The following RAPGEF1 variants were observed in gnomAD, a reference collection of about 807,000 sequenced individuals.
The protein encoded by RAPGEF1 is CRK SH3-binding GNRP.
A neutral mutation model predicts 143.3 loss-of-function variants in RAPGEF1; 33 were observed. The ratio of observed to expected loss-of-function variants is 0.23; its 90% CI spans 0.17 to 0.31. The LOEUF (loss-of-function observed/expected upper bound fraction) is 0.31. Ranked by LOEUF, RAPGEF1 falls within the 10% of genes least tolerant of loss-of-function variation. The pLI, the probability that RAPGEF1 is intolerant of heterozygous loss-of-function variation, is 1.00. For missense variants in RAPGEF1, 1,199 were observed against 1,645.4 expected (o/e 0.73, Z 4.69); for synonymous variants, 629 against 676.5 (o/e 0.93, Z 1.09).
At chr9:131,624,914 T>C (rs1181576598) in intron 10 of RAPGEF1, among the ~76,000 whole-genome samples, 1 of 152,216 alleles carries the variant, frequency 6.6e-6, no homozygotes, top group East Asian at 1.9e-4. Flanking sequence ...TGGGGATACA[T>C]GACATCATCG....
chr9:131,675,640 C>T lies in RAPGEF1; in HGVS notation c.62-24691G>A, dbSNP rs1205857256. ...ATCCAAAGTAAGCACACACCATTAT[C>T]CTGCCCCTGTACCAGGAAAGCCCCC... is the stretch of plus-strand genomic sequence containing the variant. On this transcript the variant is annotated intron_variant, in intron 1 of 26. Transcript: ENST00000683357. This position sits in a 1 kb window ranked among gnomAD's most constrained non-coding sequence, Gnocchi z 4.6. Among the ~76,000 whole-genome samples, 3 of 152,202 alleles carry T rather than the reference C, an allele frequency of 2.0e-5. No individual in the cohort carries two copies. The highest frequency in any genetic ancestry group is 2.9e-5 in the Non-Finnish European group (2 of 68,028).
intron 15 of RAPGEF1, 151 bp downstream of exon 15, chr9:131,601,910 A>G: frequency 1.6e-6 from 1 of 630,402 alleles, no homozygotes; most frequent in Non-Finnish European, 2.7e-6. Context: ...CTGTCTCTAA[A>G]AAACAAAAAA....
chr9:131,588,080 G>A (rs754758561), intron 20 of RAPGEF1, 54 bp from the exon 21 acceptor site: 2 of 1,444,024 alleles, frequency 1.4e-6, no homozygotes, highest in Admixed American at 1.8e-5. Context: ...CCGGTGGGGA[G>A]GGCTGAGCAG....
At chr9:131,665,544 C>T (rs1162838215) in intron 1 of RAPGEF1, among the ~76,000 whole-genome samples, 1 of 152,074 alleles carries the variant, frequency 6.6e-6, no homozygotes, top group Non-Finnish European at 1.5e-5. Flanking sequence ...CTTATAAGAG[C>T]TAAGTCTCGC....
At chr9:131,674,848 T>G (rs1832034073) in intron 1 of RAPGEF1, among the ~76,000 whole-genome samples, 1 of 152,110 alleles carries the variant, frequency 6.6e-6, no homozygotes, top group African/African-American at 2.4e-5. Flanking sequence ...AGGGCAGACC[T>G]GAAGCATCGC....
At chr9:131,704,182 G>A (rs990932311) in intron 1 of RAPGEF1, among the ~76,000 whole-genome samples, 13 of 151,394 alleles carry the variant, frequency 8.6e-5, no homozygotes, top group Non-Finnish European at 1.9e-4. Context: ...GCACTGAGCC[G>A]GTGGTTATTG....
At chr9:131,615,927 T>C (rs999158448) in intron 12 of RAPGEF1, among the ~76,000 whole-genome samples, 4 of 152,138 alleles carry the variant, frequency 2.6e-5, no homozygotes, top group African/African-American at 7.2e-5. Flanking sequence ...TGAACTTGTA[T>C]GTTACATACA....
At chr9:131,630,186 C>T in intron 6 of RAPGEF1, 50 bp downstream of exon 6, 3 of 1,567,270 alleles carry the variant, frequency 1.9e-6, no homozygotes, top group Non-Finnish European at 2.6e-6. Flanking sequence ...CAAGTGCAGA[C>T]TTTGCCACTG....
intron 1 of RAPGEF1, among the ~76,000 whole-genome samples, chr9:131,652,993 A>G (rs1971493660): frequency 1.3e-5 from 2 of 152,198 alleles, no homozygotes; most frequent in South Asian, 2.1e-4. Flanking sequence ...TGATTATCTT[A>G]TGGGACCATA....
At chr9:131,589,538 G>C (rs1157953235) in intron 19 of RAPGEF1, among the ~76,000 whole-genome samples, 1 of 152,236 alleles carries the variant, frequency 6.6e-6, no homozygotes. Flanking sequence ...GCGAGGGAGA[G>C]GTGGCCTCTC....
chr9:131,696,627 C>T (rs779411040), intron 1 of RAPGEF1, among the ~76,000 whole-genome samples: 4 of 152,190 alleles, frequency 2.6e-5, no homozygotes, highest in Non-Finnish European at 5.9e-5. Context: ...AACTGTAGCT[C>T]TGAATATTAT....
rs1200467280 is a variant in RAPGEF1, at chr9:131,667,851, C to G, written c.62-16902G>C. On this transcript the variant is annotated intron_variant, in intron 1 of 26. Coordinates refer to ENST00000683357, the MANE Select transcript of RAPGEF1 (RefSeq NM_001377935.1). This position sits in a 1 kb window ranked among gnomAD's most constrained non-coding sequence, Gnocchi z 4.6. ...AAAATGGGAGTAGTGATCTTTACCTCACTGGGCCGTTGGGAGGATGTCATA... is the reference window on the plus strand; with the variant it reads ...AAAATGGGAGTAGTGATCTTTACCTGACTGGGCCGTTGGGAGGATGTCATA... Among the ~76,000 whole-genome samples the G allele has an allele frequency of 6.6e-6, 1 of 152,190 alleles. No homozygotes were observed. Among genetic ancestry groups the G allele is most frequent in the Admixed American group, 6.5e-5 (1 of 15,282 alleles).
intron 1 of RAPGEF1, among the ~76,000 whole-genome samples, chr9:131,724,735 G>A (rs187306921): frequency 9.7e-4 from 147 of 152,308 alleles, no homozygotes; most frequent in African/African-American, 3.4e-3. Flanking sequence ...GATGAAATGA[G>A]TTCTGACCAG....
At position 131,651,087 on chromosome 9, in the gene RAPGEF1, G is replaced by A. The variant is rs1478254453; in HGVS notation, c.62-138C>T. 9 of 1,099,530 alleles carry A rather than the reference G, an allele frequency of 8.2e-6. No individual in the cohort carries two copies. In the Admixed American group the frequency reaches 9.5e-5, roughly 12 times the overall value. The allele number at this position is 1,099,530 out of a possible 1,614,324, so 68.1% of individuals were successfully genotyped here. ...GAGAGTTTCAAGGGAAAGGACGTAT[G>A]GATCCATTACAAAACATTTCTGCTT... On this transcript the variant is annotated intron_variant, in intron 1 of 26. Transcript: ENST00000683357.
rs373804854 is a variant in RAPGEF1, at chr9:131,709,999, AG to A, written c.61+29770del. ...TCCTTTTGACACTTTATTACTCATCAGCACAACAGCGGCTTGCAAGATGAAT... is the reference window on the plus strand; with the variant it reads ...TCCTTTTGACACTTTATTACTCATCACACAACAGCGGCTTGCAAGATGAAT... On this transcript the variant is annotated intron_variant, in intron 1 of 26. Coordinates refer to ENST00000683357, the MANE Select transcript of RAPGEF1 (RefSeq NM_001377935.1). 2.2e-4 allele frequency: 206 copies of A among 951,306 alleles called. No individual in the cohort carries two copies. The African/African-American group carries it at 3.2e-3, about 15-fold the overall frequency. 58.9% of individuals were successfully genotyped at this position (951,306 alleles called of 1,614,324 possible).
At chr9:131,686,141 T>C (rs1442012667) in intron 1 of RAPGEF1, among the ~76,000 whole-genome samples, 1 of 152,142 alleles carries the variant, frequency 6.6e-6, no homozygotes. Context: ...GCAGCAAACT[T>C]TCCTTGAAGG....
At chr9:131,657,318 G>A (rs753476272) in intron 1 of RAPGEF1, among the ~76,000 whole-genome samples, 43 of 152,168 alleles carry the variant, frequency 2.8e-4, no homozygotes, top group Non-Finnish European at 5.4e-4. Context: ...GATGGAGGGC[G>A]ACGTGAAGGG....
In RAPGEF1 at chr9:131,655,057, C is replaced by T. The variant is rs2133524199; in HGVS notation, c.62-4108G>A. Among the ~76,000 whole-genome samples, 1 of 152,334 alleles carries T rather than the reference C, an allele frequency of 6.6e-6. No homozygotes were observed. The highest frequency in any genetic ancestry group is 2.1e-4 in the South Asian group (1 of 4,822). ...AACCCTCCAAATAAATAGCACGGCA[C>T]CTTGCACTACATGGCTCTCACTCTG... On this transcript the variant is annotated intron_variant, in intron 1 of 26. Coordinates refer to ENST00000683357, the MANE Select transcript of RAPGEF1 (RefSeq NM_001377935.1). The surrounding 1 kb of genome is among the most constrained non-coding windows in gnomAD (Gnocchi z 4.1).
chr9:131,678,318 T>A (rs1304442668), intron 1 of RAPGEF1, among the ~76,000 whole-genome samples: 2 of 152,220 alleles, frequency 1.3e-5, no homozygotes, highest in African/African-American at 4.8e-5. Flanking sequence ...GAAGAGGGAC[T>A]TTTCCTAGCA....
Sources: allele counts gnomAD v4.1 joint callset (sites outside exome capture counted in the v4.1 genomes callset), GRCh38; gene constraint gnomAD v4.1.1; non-coding constraint Gnocchi (gnomAD v3.1); transcripts MANE v1.5; gene names NCBI Gene and HGNC (gene_info 2026-07-23, HGNC 2026-07-21).